The following TYRP1 variants were observed in gnomAD, a reference collection of about 807,000 sequenced individuals.
TYRP1 encodes 5,6-dihydroxyindole-2-carboxylic acid oxidase.
A neutral mutation model predicts 42.8 loss-of-function variants in TYRP1; 49 were observed. That is an observed-to-expected ratio of 1.14 (90% CI 0.91 to 1.45). The LOEUF is 1.45. Among genes scored for constraint, TYRP1 ranks in the 40% most tolerant of loss-of-function variants. TYRP1 has a pLI of 0.00. For missense variants in TYRP1, 848 were observed against 662.0 expected (o/e 1.28, Z -3.08); for synonymous variants, 279 against 235.4 (o/e 1.19, Z -1.69).
rs776084293 is a variant in TYRP1 at position 12,704,548 on chromosome 9, G to T, written c.1104G>T (p.Lys368Asn). The change falls in exon 6 of 8, where the codon AAG becomes AAT. Residue 368 changes from lysine to asparagine, a missense_variant. Coordinates refer to ENST00000388918, the MANE Select transcript of TYRP1 (RefSeq NM_000550.3). The stretch of plus-strand genomic sequence containing the variant: ...TAGGTTACAGTGACCCCACGGGAAA[G>T]TATGACCCTGCTGTTCGAAGTCTTC... ...TVEGYSDPTGKYDPAVRSLHN... is the reference protein window; with the variant it reads ...TVEGYSDPTGNYDPAVRSLHN... 1.9e-5 allele frequency: 31 copies of T among 1,612,532 alleles called. No individual in the cohort carries two copies. The Middle Eastern group carries it at 6.6e-4, about 35-fold the overall frequency.
In TYRP1 at chr9:12,697,717, A is replaced by T. The variant is rs149010031; in HGVS notation, c.709-734A>T. On this transcript the variant is annotated intron_variant, in intron 3 of 7. Coordinates refer to ENST00000388918, the MANE Select transcript of TYRP1 (RefSeq NM_000550.3). ...CGAATGAAATAAGCATGTGATCTTGAGGCCAGCATTTTTAAAAATGTGAGA... is the reference window on the plus strand; with the variant it reads ...CGAATGAAATAAGCATGTGATCTTGTGGCCAGCATTTTTAAAAATGTGAGA... Among the ~76,000 whole-genome samples the T allele has an allele frequency of 6.3e-3, 953 of 152,286 alleles. 3 individuals carry two copies. Among genetic ancestry groups the T allele is most frequent in the Non-Finnish European group, 9.8e-3 (663 of 67,998 alleles).
At chr9:12,695,929 GA>G in intron 3 of TYRP1, 92 bp downstream of exon 3, 1 of 1,412,462 alleles carries the variant, frequency 7.1e-7, no homozygotes, top group South Asian at 1.2e-5. Flanking sequence ...AGAATCATCA[GA>G]ACATTTGATG....
rs1818339603 is a variant in TYRP1, at chr9:12,710,277, T to C, written c.*1095T>C. On this transcript the variant is annotated 3_prime_UTR_variant, in exon 8 of 8. Coordinates refer to ENST00000388918, the MANE Select transcript of TYRP1 (RefSeq NM_000550.3). ...AAATAAATAATAACAGTAATAATCA[T>C]GCACTATAGAAAATGGCTAAACTGA... 6.6e-6 allele frequency: 1 copy of C among 151,702 alleles called. No individual in the cohort carries two copies. Among genetic ancestry groups the C allele is most frequent in the South Asian group, 2.1e-4 (1 of 4,822 alleles). The allele number at this position is 151,702 out of a possible 1,614,324, so 9.4% of individuals were successfully genotyped here. A position where few individuals can be genotyped will look rare whatever the true frequency, so the allele number is the denominator to read the frequency against.
At chr9:12,698,057 T>C (rs1305272608) in intron 3 of TYRP1, among the ~76,000 whole-genome samples, 1 of 152,146 alleles carries the variant, frequency 6.6e-6, no homozygotes, top group African/African-American at 2.4e-5. Context: ...GAGTTAATGA[T>C]GCTTGAATTA....
At chr9:12,707,528 C>A (rs1485768600) in intron 6 of TYRP1, 23 of 159,346 alleles carry the variant, frequency 1.4e-4, no homozygotes, top group South Asian at 3.8e-4. Flanking sequence ...TGTCCTAAGA[C>A]AAAGGAACAG....
chr9:12,698,660 G>T lies in TYRP1; in HGVS notation c.913+5G>T. ...CCCTGGGAACACTTTGTAACAGTAA[G>T]TTCCAAATGATAGCTTGGAGTCAGA... On this transcript the variant is annotated splice_donor_5th_base_variant and intron_variant, in intron 4 of 7. Transcript: ENST00000388918. 1 of 1,612,664 alleles carries T rather than the reference G, an allele frequency of 6.2e-7. No individual in the cohort carries two copies. The highest frequency in any genetic ancestry group is 1.1e-5 in the South Asian group (1 of 91,046).
chr9:12,705,654 C>A (rs1379797398), intron 6 of TYRP1, among the ~76,000 whole-genome samples: 1 of 151,998 alleles, frequency 6.6e-6, no homozygotes, highest in African/African-American at 2.4e-5. Context: ...TGAGACCAGC[C>A]TGGTCAACAT....
intron 6 of TYRP1, among the ~76,000 whole-genome samples, chr9:12,706,747 G>A (rs1818265017): frequency 1.3e-5 from 2 of 151,944 alleles, no homozygotes; most frequent in Admixed American, 1.3e-4. Context: ...AAACAACTGT[G>A]AAGAAGAGAA....
At chr9:12,705,742 G>C (rs773827038) in intron 6 of TYRP1, among the ~76,000 whole-genome samples, 1 of 151,972 alleles carries the variant, frequency 6.6e-6, no homozygotes, top group Admixed American at 6.6e-5. Context: ...ACCTACTGGG[G>C]AGGCTGAGGC....
In TYRP1 at chr9:12,708,136, A is replaced by T. The variant is rs1295894692; in HGVS notation, c.1401A>T (p.Gln467His). Residue 467 changes from glutamine to histidine, a missense_variant, in exon 7 of 8, where the codon CAA becomes CAT. Transcript: ENST00000388918. ...PDNLGYTYEI[Q>H]WPSREFSVPE... ...ACCTGGGATACACTTATGAAATTCAATGGCCAAGTGAGTGTTGAAAGTGTA... is the reference window on the plus strand; with the variant it reads ...ACCTGGGATACACTTATGAAATTCATTGGCCAAGTGAGTGTTGAAAGTGTA... The T allele has an allele frequency of 6.2e-7, 1 of 1,612,566 alleles. No homozygotes were observed. The highest frequency in any genetic ancestry group is 8.5e-7 in the Non-Finnish European group (1 of 1,179,136).
In TYRP1 at chr9:12,709,457, G is replaced by A. The variant is rs1267817537; in HGVS notation, c.*275G>A. ...TGAAGATCTTTGGCATGATTTAAAG[G>A]TTGAGTATGTGAAGATATAAGTAAG... On this transcript the variant is annotated 3_prime_UTR_variant, in exon 8 of 8. Coordinates refer to ENST00000388918, the MANE Select transcript of TYRP1 (RefSeq NM_000550.3). The A allele has an allele frequency of 2.5e-6, 1 of 395,544 alleles. No individual in the cohort carries two copies. Among genetic ancestry groups the A allele is most frequent in the Non-Finnish European group, 4.5e-6 (1 of 224,550 alleles). 24.5% of individuals were successfully genotyped at this position (395,544 alleles called of 1,614,324 possible).
At chr9:12,706,605 A>G (rs1187778134) in intron 6 of TYRP1, among the ~76,000 whole-genome samples, 6 of 151,994 alleles carry the variant, frequency 3.9e-5, no homozygotes, top group Non-Finnish European at 1.5e-5. Context: ...TTTCTGATAA[A>G]ATGTGGCCAT....
chr9:12,701,539 C>T (rs1363043424), intron 4 of TYRP1: 2 of 151,920 alleles, frequency 1.3e-5, no homozygotes, highest in African/African-American at 4.8e-5. Context: ...ATTTATTTCA[C>T]CTAAGAAAAT....
Position 12,708,133 on chromosome 9 carries a change from T to G in TYRP1, c.1398T>G (p.Ile466Met). The stretch of plus-strand genomic sequence containing the variant: ...ACAACCTGGGATACACTTATGAAAT[T>G]CAATGGCCAAGTGAGTGTTGAAAGT... Reference protein sequence around the residue: ...APDNLGYTYEIQWPSREFSVP... With the variant: ...APDNLGYTYEMQWPSREFSVP... The change falls in exon 7 of 8, where the codon ATT (isoleucine) becomes ATG (methionine). Residue 466 changes from isoleucine to methionine, a missense_variant. By Grantham distance (10) the Ile-to-Met change is conservative. Transcript: ENST00000388918. 6.2e-7 allele frequency: 1 copy of G among 1,612,660 alleles called. No homozygotes were observed. Among genetic ancestry groups the G allele is most frequent in the Non-Finnish European group, 8.5e-7 (1 of 1,179,186 alleles).
chr9:12,695,126 G>C (rs1216618830), intron 2 of TYRP1, among the ~76,000 whole-genome samples: 2 of 151,802 alleles, frequency 1.3e-5, no homozygotes, highest in African/African-American at 2.4e-5. Flanking sequence ...CAAAGTCATA[G>C]AATAATTCTC....
In TYRP1 at chr9:12,694,231, T is replaced by A. The variant is rs750297333; in HGVS notation, c.235T>A (p.Tyr79Asn). 2 of 1,613,792 alleles carry A rather than the reference T, an allele frequency of 1.2e-6. No individual in the cohort carries two copies. The highest frequency in any genetic ancestry group is 1.7e-6 in the Non-Finnish European group (2 of 1,179,908). The change falls in exon 2 of 8, where the codon TAT (tyrosine) becomes AAT (asparagine). Residue 79 changes from tyrosine to asparagine, a missense_variant. Tyr to Asn is a moderately radical substitution (Grantham distance 143). Transcript: ENST00000388918. ...TADSRPHSPQ[Y>N]PHDGRDDREV... ...AGACTCCCGGCCCCACAGCCCTCAGTATCCCCATGATGGCAGAGATGATCG... is the reference window on the plus strand; with the variant it reads ...AGACTCCCGGCCCCACAGCCCTCAGAATCCCCATGATGGCAGAGATGATCG...
Position 12,695,534 on chromosome 9 carries a change from C to T in TYRP1, c.405C>T (p.Asp135=), listed in dbSNP as rs979081327. The change falls in exon 3 of 8, where the codon GAC becomes GAT. Residue 135 remains aspartate, a synonymous_variant. Coordinates refer to ENST00000388918, the MANE Select transcript of TYRP1 (RefSeq NM_000550.3). The part of the protein sequence containing the change: ...RVLIVRRNLL[D]LSKEEKNHFV... Reference sequence around the variant, plus strand: ...CTAAAGTCAGGAGAAATCTTCTGGACTTAAGTAAAGAAGAAAAGAACCACT... The same window carrying T: ...CTAAAGTCAGGAGAAATCTTCTGGATTTAAGTAAAGAAGAAAAGAACCACT... The T allele has an allele frequency of 6.2e-7, 1 of 1,614,074 alleles. No homozygotes were observed. The highest frequency in any genetic ancestry group is 1.1e-5 in the South Asian group (1 of 91,084).
intron 2 of TYRP1, among the ~76,000 whole-genome samples, chr9:12,694,823 C>T (rs1818050413): frequency 6.6e-6 from 1 of 152,120 alleles, no homozygotes; most frequent in African/African-American, 2.4e-5. Flanking sequence ...AGAAGTTTCC[C>T]ACCATGATGA....
Position 12,709,743 on chromosome 9 carries a change from C to T in TYRP1, c.*561C>T, listed in dbSNP as rs1428367309. 6.4e-6 allele frequency: 1 copy of T among 157,340 alleles called. No homozygotes were observed. Among genetic ancestry groups the T allele is most frequent in the Admixed American group, 6.1e-5 (1 of 16,306 alleles). The allele number at this position is 157,340 out of a possible 1,614,324, so 9.7% of individuals were successfully genotyped here. A position where few individuals can be genotyped will look rare whatever the true frequency, so the allele number is the denominator to read the frequency against. ...AGACCAATCAAATATATTATTTAGT[C>T]AACATATACTATTTAGTCTCAGGTT... On this transcript the variant is annotated 3_prime_UTR_variant, in exon 8 of 8. Transcript: ENST00000388918.
Sources: allele counts gnomAD v4.1 joint callset (sites outside exome capture counted in the v4.1 genomes callset), GRCh38; gene constraint gnomAD v4.1.1; transcripts MANE v1.5; gene names NCBI Gene and HGNC (gene_info 2026-07-23, HGNC 2026-07-21).